NOS1AP: variants seen among roughly 807,000 people sequenced by gnomAD.
NOS1AP encodes carboxyl-terminal PDZ ligand of neuronal nitric oxide synthase protein.
Under a neutral mutation model 56.2 loss-of-function variants are expected in NOS1AP, and 21 were observed. That is an observed-to-expected ratio of 0.37 (90% CI 0.26 to 0.54). The LOEUF (loss-of-function observed/expected upper bound fraction) is 0.54, where lower values mean the gene tolerates loss of function less well. Among genes scored for constraint, NOS1AP ranks in the 20% least tolerant of loss-of-function variants. The pLI, the probability that NOS1AP is intolerant of heterozygous loss-of-function variation, is 0.84. For missense variants in NOS1AP, 522 were observed against 657.8 expected, an observed-to-expected ratio of 0.79 and a Z score of 2.26; for synonymous variants, 270 against 274.6, an observed-to-expected ratio of 0.98 and a Z score of 0.17.
At chr1:162,081,674 A>G (rs1691888132) in intron 1 of NOS1AP, among the ~76,000 whole-genome samples, 2 of 147,716 alleles carry the variant, frequency 1.4e-5, no homozygotes, top group East Asian at 3.9e-4. Flanking sequence ...CAGCCTTTCA[A>G]GTAGCTGGGA....
At chr1:162,364,615 G>T in intron 8 of NOS1AP, 37 of 985,506 alleles carry the variant, frequency 3.8e-5, no homozygotes, top group Non-Finnish European at 4.3e-5. Context: ...AACTGATGAG[G>T]GTGCCACAAA....
rs994493754 is a variant in NOS1AP, at chr1:162,364,345, C to A, written c.940-1059C>A. ...CCATAAAAATTCATTAGTTCCCTTT[C>A]TTCAGGGGCCTTCTGAAATGCTCCC... is the stretch of plus-strand genomic sequence containing the variant. On this transcript the variant is annotated intron_variant, in intron 8 of 9. Transcript: ENST00000361897. The A allele has an allele frequency of 8.1e-6, 8 of 985,358 alleles. No homozygotes were observed. The South Asian group carries it at 1.4e-4, about 17-fold the overall frequency. The allele number at this position is 985,358 out of a possible 1,614,324, so 61.0% of individuals were successfully genotyped here.
At chr1:162,135,292 G>A (rs1046053581) in intron 1 of NOS1AP, among the ~76,000 whole-genome samples, 1 of 152,150 alleles carries the variant, frequency 6.6e-6, no homozygotes, top group Non-Finnish European at 1.5e-5. Context: ...GGACTGGCTG[G>A]GTCATGTCAG....
chr1:162,360,483 G>A (rs1364434840), intron 8 of NOS1AP: 1 of 278,986 alleles, frequency 3.6e-6, no homozygotes, highest in Non-Finnish European at 7.0e-6. Flanking sequence ...GTGTTAAGTA[G>A]GCCAGGTCTA....
intron 2 of NOS1AP, among the ~76,000 whole-genome samples, chr1:162,186,481 T>C (rs534659302): frequency 8.5e-5 from 13 of 152,172 alleles, no homozygotes; most frequent in Non-Finnish European, 1.8e-4. Context: ...ATTAAGTATT[T>C]TGGTACACAT....
intron 1 of NOS1AP, among the ~76,000 whole-genome samples, chr1:162,071,097 CG>C (rs369529452): frequency 1.3e-5 from 2 of 152,194 alleles, no homozygotes; most frequent in East Asian, 3.9e-4. Flanking sequence ...ACTGCAGTGG[CG>C]GTTCCCACTG....
At chr1:162,331,964 A>G (rs1656785182) in intron 4 of NOS1AP, among the ~76,000 whole-genome samples, 1 of 152,156 alleles carries the variant, frequency 6.6e-6, no homozygotes, top group Admixed American at 6.5e-5. Flanking sequence ...CTTTAGTTTA[A>G]AGCATAAGCA....
intron 2 of NOS1AP, among the ~76,000 whole-genome samples, chr1:162,224,793 C>T (rs1209189681): frequency 6.6e-6 from 1 of 152,150 alleles, no homozygotes; most frequent in Non-Finnish European, 1.5e-5. Context: ...TGACCAGAAT[C>T]TTCCCTGTTG....
intron 1 of NOS1AP, among the ~76,000 whole-genome samples, chr1:162,082,349 T>C (rs1244681613): frequency 6.6e-6 from 1 of 152,216 alleles, no homozygotes; most frequent in Non-Finnish European, 1.5e-5. Flanking sequence ...TTGATAGGCA[T>C]GTAGGATGGT....
Position 162,367,583 on chromosome 1 carries a change from C to G in NOS1AP, c.*116C>G. On this transcript the variant is annotated 3_prime_UTR_variant, in exon 10 of 10. Transcript: ENST00000361897. This position sits in a 1 kb window ranked among gnomAD's most constrained non-coding sequence, Gnocchi z 6.5. ...CTGCCGAGGAGAATGCCAGCCAGGG[C>G]CCGGGAGAGTGTGAGGTTTCAGGAA... 9 of 1,161,302 alleles carry G rather than the reference C, an allele frequency of 7.7e-6. No individual in the cohort carries two copies. The highest frequency in any genetic ancestry group is 1.1e-5 in the Non-Finnish European group (9 of 842,932). The allele number at this position is 1,161,302 out of a possible 1,614,324, so 71.9% of individuals were successfully genotyped here. A position where few individuals can be genotyped will look rare whatever the true frequency, so the allele number is the denominator to read the frequency against.
chr1:162,210,637 C>T (rs1266168094), intron 2 of NOS1AP, among the ~76,000 whole-genome samples: 1 of 152,138 alleles, frequency 6.6e-6, no homozygotes, highest in Non-Finnish European at 1.5e-5. Flanking sequence ...ATATTGGTGC[C>T]ACTTGTAATT....
chr1:162,110,765 T>A (rs1428577533), intron 1 of NOS1AP, among the ~76,000 whole-genome samples: 2 of 152,208 alleles, frequency 1.3e-5, no homozygotes, highest in African/African-American at 2.4e-5. Context: ...ATAATAAAAT[T>A]TAATTTTCAT....
chr1:162,220,897 C>A (rs1652745876), intron 2 of NOS1AP, among the ~76,000 whole-genome samples: 1 of 152,126 alleles, frequency 6.6e-6, no homozygotes, highest in South Asian at 2.1e-4. Context: ...AATTTGTTGA[C>A]TAATGATTGG....
intron 1 of NOS1AP, among the ~76,000 whole-genome samples, chr1:162,121,234 G>A (rs766866227): frequency 2.0e-5 from 3 of 150,904 alleles, no homozygotes; most frequent in Non-Finnish European, 4.4e-5. Flanking sequence ...GTAGTGGCAC[G>A]ATCTTGGTTC....
At chr1:162,199,274 T>TG (rs1187579160) in intron 2 of NOS1AP, among the ~76,000 whole-genome samples, 13 of 151,868 alleles carry the variant, frequency 8.6e-5, no homozygotes, top group Non-Finnish European at 2.9e-5. Context: ...CCTTAAAGAG[T>TG]GGGGAAAAGA....
intron 2 of NOS1AP, among the ~76,000 whole-genome samples, chr1:162,224,948 A>C (rs1384445928): frequency 6.6e-6 from 1 of 152,244 alleles, no homozygotes; most frequent in Non-Finnish European, 1.5e-5. Context: ...TAAACAAAGA[A>C]AGAAGTGAGC....
chr1:162,337,443 T>C (rs980191404), intron 5 of NOS1AP, among the ~76,000 whole-genome samples: 6 of 152,190 alleles, frequency 3.9e-5, no homozygotes, highest in Admixed American at 2.0e-4. Flanking sequence ...ACTTACGAGA[T>C]GAAAGATAGG....
intron 2 of NOS1AP, among the ~76,000 whole-genome samples, chr1:162,241,807 AAGCAG>A (rs1044318592): frequency 5.1e-4 from 77 of 152,334 alleles, no homozygotes; most frequent in African/African-American, 1.8e-3. Flanking sequence ...AACATCAACA[AAGCAG>A]ATTCACACTG....
At chr1:162,276,798 A>G (rs570250949) in intron 2 of NOS1AP, among the ~76,000 whole-genome samples, 341 of 152,312 alleles carry the variant, frequency 2.2e-3, no homozygotes, top group Non-Finnish European at 4.0e-3. Context: ...TACTGTATTT[A>G]TATCATTTAT....
Sources: gnomAD v4.1 joint callset for allele counts (sites outside exome capture counted in the v4.1 genomes callset) on GRCh38, gnomAD v4.1.1 for gene constraint, Gnocchi (gnomAD v3.1) non-coding constraint, MANE v1.5 for transcripts, NCBI Gene and HGNC (gene_info 2026-07-23, HGNC 2026-07-21) for gene names.